FMN2: variants seen among roughly 807,000 people sequenced by gnomAD.
FMN2 encodes formin-2.
In FMN2, 51 loss-of-function variants were observed where a neutral mutation model predicts 142.3. That is an observed-to-expected ratio of 0.36 (90% CI 0.29 to 0.45). The LOEUF (loss-of-function observed/expected upper bound fraction) is 0.45. Among genes scored for constraint, FMN2 ranks in the 20% least tolerant of loss-of-function variants. FMN2 has a pLI of 1.00. For synonymous variants in FMN2, 882 were observed against 869.8 expected (o/e 1.01, Z -0.25); for missense variants, 1,936 against 2,122.8 (o/e 0.91, Z 1.73).
intron 7 of FMN2, among the ~76,000 whole-genome samples, chr1:240,276,906 C>G (rs1377250807): frequency 6.6e-6 from 1 of 152,134 alleles, no homozygotes; most frequent in Non-Finnish European, 1.5e-5. Flanking sequence ...TCAGTGTTGC[C>G]TCATTTTCTC....
intron 5 of FMN2, among the ~76,000 whole-genome samples, chr1:240,210,709 T>C (rs571074749): frequency 6.6e-6 from 1 of 152,306 alleles, no homozygotes; most frequent in Admixed American, 6.5e-5. Flanking sequence ...TGTAAATATG[T>C]ATTTTTTAAC....
chr1:240,222,783 G>A lies in FMN2; in HGVS notation c.4065+11548G>A, dbSNP rs56063519. Among the ~76,000 whole-genome samples the A allele has an allele frequency of 2.8e-3, 421 of 152,108 alleles. 3 individuals are homozygous for A. Among genetic ancestry groups the A allele is most frequent in the African/African-American group, 9.7e-3 (403 of 41,484 alleles). The stretch of plus-strand genomic sequence containing the variant: ...TGAATGGGAGTTCACTCATGATTTG[G>A]CTCTCTGTTTGTCTATTATTGGTGT... On this transcript the variant is annotated intron_variant, in intron 6 of 17. Coordinates refer to ENST00000319653, the MANE Select transcript of FMN2 (RefSeq NM_020066.5).
At chr1:240,116,218 G>T (rs760005262) in intron 1 of FMN2, among the ~76,000 whole-genome samples, 1 of 152,160 alleles carries the variant, frequency 6.6e-6, no homozygotes, top group Non-Finnish European at 1.5e-5. Context: ...GTGGAGCTCC[G>T]CTCTGTCTTC....
Position 240,361,180 on chromosome 1 carries a change from TATATAA to T in FMN2, c.4858+5274_4858+5279del, listed in dbSNP as rs1558452698. Among the ~76,000 whole-genome samples the T allele has an allele frequency of 5.2e-4, 52 of 100,226 alleles. 1 individual carries two copies. The highest frequency in any genetic ancestry group is 1.8e-3 in the African/African-American group (50 of 27,478). 65.8% of individuals were successfully genotyped at this position (100,226 alleles called of 152,430 possible). On this transcript the variant is annotated intron_variant, in intron 14 of 17. Transcript: ENST00000319653. Reference sequence around the variant, plus strand: ...ATATATATATATATATATATATATATATATAAAAGAGTTTAAAGAAGGAAAAAAACA... The same window carrying T: ...ATATATATATATATATATATATATATAAGAGTTTAAAGAAGGAAAAAAACA...
chr1:240,188,335 T>A, intron 4 of FMN2, 73 bp downstream of exon 4: 1 of 1,480,588 alleles, frequency 6.8e-7, no homozygotes, highest in Non-Finnish European at 9.4e-7. Flanking sequence ...GACTCTGCGA[T>A]TTATCTTTCC....
intron 7 of FMN2, among the ~76,000 whole-genome samples, chr1:240,266,599 A>G (rs77134272): frequency 1.3e-5 from 2 of 151,892 alleles, no homozygotes; most frequent in African/African-American, 4.8e-5. Flanking sequence ...TGTTTTCCTT[A>G]TCCAGGCCAC....
chr1:240,106,474 CTGCTCCCTTATGTATT>C (rs1414352349), intron 1 of FMN2, among the ~76,000 whole-genome samples: 2 of 152,120 alleles, frequency 1.3e-5, no homozygotes, highest in Non-Finnish European at 2.9e-5. Context: ...CAAACCCAAC[CTGCTCCCTTATGTATT>C]ATTGGATTCC....
intron 1 of FMN2, among the ~76,000 whole-genome samples, chr1:240,112,813 G>C (rs1661864706): frequency 6.6e-6 from 1 of 152,086 alleles, no homozygotes; most frequent in Non-Finnish European, 1.5e-5. Flanking sequence ...GCTTCTGAAG[G>C]CCTCCCTGGC....
chr1:240,265,595 G>A lies in FMN2; in HGVS notation c.4153+7563G>A, dbSNP rs530232141. ...GACTTCCCAGCTTTCAGAATTATGA[G>A]AAAATATATTTCTGTTTAAGCACCC... is the stretch of plus-strand genomic sequence containing the variant. On this transcript the variant is annotated intron_variant, in intron 7 of 17. Transcript: ENST00000319653. Among the ~76,000 whole-genome samples the A allele has an allele frequency of 2.0e-5, 3 of 152,250 alleles. No individual in the cohort carries two copies. In the East Asian group the frequency reaches 5.8e-4, roughly 29 times the overall value.
At chr1:240,340,364 T>C (rs937010653) in intron 13 of FMN2, among the ~76,000 whole-genome samples, 2 of 152,108 alleles carry the variant, frequency 1.3e-5, no homozygotes, top group Non-Finnish European at 2.9e-5. Context: ...GTGGATTGCT[T>C]GAGGTCAGGA....
At chr1:240,322,095 A>G (rs1358695181) in intron 8 of FMN2, among the ~76,000 whole-genome samples, 1 of 152,154 alleles carries the variant, frequency 6.6e-6, no homozygotes, top group Non-Finnish European at 1.5e-5. Flanking sequence ...TCATGTCACA[A>G]AAAGCCGATT....
chr1:240,429,755 T>G (rs966461662), intron 15 of FMN2, among the ~76,000 whole-genome samples: 4 of 152,226 alleles, frequency 2.6e-5, no homozygotes, highest in Non-Finnish European at 5.9e-5. Flanking sequence ...TCCTTTTTAT[T>G]GTTAAGTAGC....
At chr1:240,419,989 C>G (rs1674710599) in intron 15 of FMN2, among the ~76,000 whole-genome samples, 1 of 152,146 alleles carries the variant, frequency 6.6e-6, no homozygotes, top group South Asian at 2.1e-4. Context: ...GCCTCCTTGG[C>G]TGCCCCTTGG....
intron 1 of FMN2, among the ~76,000 whole-genome samples, chr1:240,105,004 C>T (rs1338748168): frequency 2.0e-5 from 3 of 150,398 alleles, no homozygotes; most frequent in Admixed American, 2.0e-4. Context: ...CTGGGATATA[C>T]ATTTGGAAGT....
At chr1:240,444,014 C>CA (rs991587499) in intron 16 of FMN2, among the ~76,000 whole-genome samples, 1 of 151,866 alleles carries the variant, frequency 6.6e-6, no homozygotes, top group Non-Finnish European at 1.5e-5. Context: ...GAATGTGTGT[C>CA]TTTTTTTTAC....
chr1:240,180,137 C>T (rs1665089629), intron 3 of FMN2: 1 of 1,261,844 alleles, frequency 7.9e-7, no homozygotes, highest in African/African-American at 1.5e-5. Context: ...AATGAAATAA[C>T]TTGTCTCCTT....
intron 2 of FMN2, among the ~76,000 whole-genome samples, chr1:240,130,415 G>C (rs993744794): frequency 1.4e-4 from 21 of 152,130 alleles, no homozygotes; most frequent in Non-Finnish European, 2.9e-5. Flanking sequence ...CTATTCTCCT[G>C]CCTCACCCTA....
intron 2 of FMN2, chr1:240,144,067 C>G: frequency 1.8e-6 from 2 of 1,099,646 alleles, no homozygotes; most frequent in East Asian, 4.7e-5. Flanking sequence ...TAATGTAGTC[C>G]TCAAAGGAGT....
Position 240,207,103 on chromosome 1 carries a change from C to G in FMN2, c.2291C>G (p.Pro764Arg), listed in dbSNP as rs1456733330. The G allele has an allele frequency of 3.7e-6, 6 of 1,613,978 alleles. No individual in the cohort carries two copies. The highest frequency in any genetic ancestry group is 5.1e-6 in the Non-Finnish European group (6 of 1,179,982). The stretch of plus-strand genomic sequence containing the variant: ...ACACTGCCTCCTGTGGATGGGCTGC[C>G]AGGGCGTCCTCCATGCCCCCCTGGG... The part of the protein sequence containing the change: ...VLTLPPVDGL[P>R]GRPPCPPGAE... Residue 764 changes from proline (P) to arginine (R), a missense_variant, in exon 5 of 18, where the codon CCA (proline) becomes CGA (arginine). Coordinates refer to ENST00000319653, the MANE Select transcript of FMN2 (RefSeq NM_020066.5).
Sources: gnomAD v4.1 joint callset for allele counts (sites outside exome capture counted in the v4.1 genomes callset) on GRCh38, gnomAD v4.1.1 for gene constraint, MANE v1.5 for transcripts, NCBI Gene and HGNC (gene_info 2026-07-23, HGNC 2026-07-21) for gene names.